Variants in LYPD6 observed in about 807,000 individuals in gnomAD.
The protein encoded by LYPD6 is LY6/PLAUR domain containing 6, also known as ly6/PLAUR domain-containing protein 6.
In LYPD6, 15 loss-of-function variants were observed where a neutral mutation model predicts 22.7. The ratio of observed to expected loss-of-function variants is 0.66; its 90% CI spans 0.44 to 1.02. The LOEUF is 1.02. LYPD6 is among the 50% of genes least tolerant of loss of function. The pLI, the probability that LYPD6 is intolerant of heterozygous loss-of-function variation, is 0.00. For synonymous variants in LYPD6, 72 were observed against 77.5 expected (o/e 0.93, Z 0.37); for missense variants, 189 against 208.4 (o/e 0.91, Z 0.57).
At chr2:149,375,549 A>G (rs1189980083) in intron 1 of LYPD6, among the ~76,000 whole-genome samples, 1 of 152,158 alleles carries the variant, frequency 6.6e-6, no homozygotes, top group Non-Finnish European at 1.5e-5. Flanking sequence ...TTTAGAAAAT[A>G]CCTTTCCTAA....
At chr2:149,352,608 C>T (rs1681379061) in intron 1 of LYPD6, among the ~76,000 whole-genome samples, 1 of 152,136 alleles carries the variant, frequency 6.6e-6, no homozygotes, top group Non-Finnish European at 1.5e-5. Context: ...TGGGTGGCTA[C>T]CTCCTTTTGT....
chr2:149,358,091 A>G (rs2105065272), intron 1 of LYPD6, among the ~76,000 whole-genome samples: 1 of 152,230 alleles, frequency 6.6e-6, no homozygotes, highest in Admixed American at 6.5e-5. Context: ...CGGCTGAAAT[A>G]CATTATATTT....
chr2:149,458,986 G>A (rs760698886), intron 3 of LYPD6, among the ~76,000 whole-genome samples: 5 of 152,130 alleles, frequency 3.3e-5, no homozygotes, highest in Non-Finnish European at 7.3e-5. Context: ...CATCATCAGA[G>A]TTTCAAGAGA....
chr2:149,426,801 A>G (rs142285881), intron 1 of LYPD6, among the ~76,000 whole-genome samples: 9 of 152,278 alleles, frequency 5.9e-5, no homozygotes, highest in African/African-American at 2.2e-4. Context: ...GAAAACCCTT[A>G]ATAATGTGGG....
chr2:149,485,853 C>T, the LYPD6 span, among the ~76,000 whole-genome samples: 7 of 152,086 alleles, frequency 4.6e-5, no homozygotes, highest in African/African-American at 1.7e-4. Context: ...CAATATGGAG[C>T]CAGGTTCTGC....
chr2:149,398,915 T>C (rs1297259813), intron 1 of LYPD6, among the ~76,000 whole-genome samples: 2 of 152,194 alleles, frequency 1.3e-5, no homozygotes, highest in Admixed American at 6.5e-5. Flanking sequence ...AGACATTCAA[T>C]ATATGGAAAA....
At chr2:149,380,099 A>T (rs4667436) in intron 1 of LYPD6, among the ~76,000 whole-genome samples, 36,557 of 152,160 alleles carry the variant, frequency 0.24, 5,946 homozygotes, top group East Asian at 0.76. Flanking sequence ...CTGACAGAGG[A>T]AAGAGCACAT....
chr2:149,442,675 G>T (rs1176048098), intron 2 of LYPD6, among the ~76,000 whole-genome samples: 1 of 151,498 alleles, frequency 6.6e-6, no homozygotes, highest in Non-Finnish European at 1.5e-5. Context: ...TTTATCAGAT[G>T]CAGTATCAAT....
intron 1 of LYPD6, among the ~76,000 whole-genome samples, chr2:149,416,284 A>C (rs1171848610): frequency 6.6e-6 from 1 of 152,150 alleles, no homozygotes; most frequent in African/African-American, 2.4e-5. Context: ...GGCTTACTTA[A>C]TGATGTGACC....
At chr2:149,484,412 C>T in the LYPD6 span, among the ~76,000 whole-genome samples, 1 of 152,126 alleles carries the variant, frequency 6.6e-6, no homozygotes, top group African/African-American at 2.4e-5. Context: ...AGTGGAAAAT[C>T]CTTTTCAGAC....
At chr2:149,415,594 G>A (rs1465419790) in intron 1 of LYPD6, among the ~76,000 whole-genome samples, 1 of 152,060 alleles carries the variant, frequency 6.6e-6, no homozygotes, top group Non-Finnish European at 1.5e-5. Context: ...CACCCTTAAC[G>A]AAGGAGAGAG....
intron 1 of LYPD6, among the ~76,000 whole-genome samples, chr2:149,351,060 T>C (rs140776042): frequency 4.7e-4 from 72 of 152,290 alleles, no homozygotes; most frequent in African/African-American, 1.6e-3. Context: ...GTGAGGTCAT[T>C]TTTATGGTCT....
At chr2:149,370,318 G>C (rs1305751133) in intron 1 of LYPD6, among the ~76,000 whole-genome samples, 1 of 152,108 alleles carries the variant, frequency 6.6e-6, no homozygotes, top group Non-Finnish European at 1.5e-5. Flanking sequence ...AAATGCTCCT[G>C]TGTTCCTGCT....
intron 2 of LYPD6, among the ~76,000 whole-genome samples, chr2:149,447,666 T>C (rs1336491187): frequency 1.3e-5 from 2 of 152,240 alleles, no homozygotes; most frequent in Admixed American, 6.5e-5. Flanking sequence ...TTGCCACTTT[T>C]GTAGATTGAA....
At chr2:149,422,570 TATCA>T (rs1275511555) in intron 1 of LYPD6, among the ~76,000 whole-genome samples, 1 of 152,178 alleles carries the variant, frequency 6.6e-6, no homozygotes, top group Admixed American at 6.5e-5. Context: ...CTAATTAACT[TATCA>T]ATCACTTCAC....
chr2:149,338,574 C>G (rs74662857), intron 1 of LYPD6, among the ~76,000 whole-genome samples: 2,120 of 152,272 alleles, frequency 0.014, 25 homozygotes, highest in Non-Finnish European at 0.022. Flanking sequence ...CATGTGAGGA[C>G]ACAGCAACAA....
intron 1 of LYPD6, among the ~76,000 whole-genome samples, chr2:149,365,465 C>T (rs187522166): frequency 3.3e-5 from 5 of 152,188 alleles, no homozygotes; most frequent in South Asian, 4.2e-4. Context: ...CTTTGGCTTT[C>T]GCTAGTTCTG....
Position 149,437,782 on chromosome 2 carries a change from C to T in LYPD6, c.74C>T (p.Ser25Phe). 1 of 1,614,158 alleles carries T rather than the reference C, an allele frequency of 6.2e-7. No individual in the cohort carries two copies. The highest frequency in any genetic ancestry group is 1.1e-5 in the South Asian group (1 of 91,082). The change falls in exon 2 of 5, where the codon TCC (serine) becomes TTC (phenylalanine). Residue 25 changes from serine to phenylalanine, a missense_variant. Transcript: ENST00000334166. ...GCGGATTGTCTGAAAGCTGCTCAGT[C>T]CCGAGACTTCACAGTGAAAGACATT... Reference protein sequence around the residue: ...LLADCLKAAQSRDFTVKDIIY... With the variant: ...LLADCLKAAQFRDFTVKDIIY...
At chr2:149,394,768 G>T (rs530319812) in intron 1 of LYPD6, among the ~76,000 whole-genome samples, 1 of 151,860 alleles carries the variant, frequency 6.6e-6, no homozygotes. Context: ...CTTTCCTTCC[G>T]TTGATACTCA....
Sources: gnomAD v4.1 joint callset for allele counts (sites outside exome capture counted in the v4.1 genomes callset) on GRCh38, gnomAD v4.1.1 for gene constraint, MANE v1.5 for transcripts, NCBI Gene and HGNC (gene_info 2026-07-23, HGNC 2026-07-21) for gene names.